Variants in NRG3 observed in about 807,000 individuals in gnomAD.
The protein encoded by NRG3 is neuregulin 3.
NRG3 carries 31 observed loss-of-function variants against 66.9 expected under a neutral mutation model. That is an observed-to-expected ratio of 0.46 (90% confidence interval 0.35 to 0.63). The LOEUF is 0.63. Among genes scored for constraint, NRG3 ranks in the 20% least tolerant of loss-of-function variants. The probability of loss-of-function intolerance (pLI) is 0.00; values close to 1 mark genes in which losing one functional copy is unlikely to be tolerated. For missense variants in NRG3, 910 were observed against 878.9 expected (o/e 1.04, Z -0.45); for synonymous variants, 393 against 359.4 (o/e 1.09, Z -1.06).
chr10:82,976,633 A>G (rs1852280314), intron 7 of NRG3, among the ~76,000 whole-genome samples: 1 of 151,916 alleles, frequency 6.6e-6, no homozygotes, highest in Non-Finnish European at 1.5e-5. Flanking sequence ...GCTAGTTTCT[A>G]CCTTTTTTGT....
chr10:82,769,148 G>A (rs1256268622), intron 3 of NRG3, among the ~76,000 whole-genome samples: 1 of 151,992 alleles, frequency 6.6e-6, no homozygotes, highest in African/African-American at 2.4e-5. Flanking sequence ...GTGAAATATG[G>A]TTATCATTAC....
intron 8 of NRG3, 35 bp from the exon 9 acceptor site, chr10:82,985,063 A>G: frequency 6.3e-7 from 1 of 1,597,226 alleles, no homozygotes; most frequent in Non-Finnish European, 8.5e-7. Flanking sequence ...AGCCTGGTAG[A>G]AAGCAGAAGG....
At chr10:82,100,936 T>C (rs10884189) in intron 1 of NRG3, among the ~76,000 whole-genome samples, 3,685 of 152,124 alleles carry the variant, frequency 0.024, 107 homozygotes, top group East Asian at 0.13. Flanking sequence ...ATTTGTTCTT[T>C]AAATTGTTAG....
At chr10:82,164,402 A>G (rs1395616222) in intron 1 of NRG3, among the ~76,000 whole-genome samples, 1 of 152,156 alleles carries the variant, frequency 6.6e-6, no homozygotes, top group Non-Finnish European at 1.5e-5. Flanking sequence ...AATGTACAAT[A>G]TATTGTTGCT....
chr10:82,098,915 C>T (rs2066548950), intron 1 of NRG3, among the ~76,000 whole-genome samples: 1 of 152,100 alleles, frequency 6.6e-6, no homozygotes, highest in Admixed American at 6.6e-5. Flanking sequence ...AGGTGCCCGC[C>T]ACCATGCCTG....
intron 2 of NRG3, among the ~76,000 whole-genome samples, chr10:82,493,897 C>CA (rs2132275690): frequency 6.6e-6 from 1 of 152,000 alleles, no homozygotes; most frequent in South Asian, 2.1e-4. Flanking sequence ...AAACTTACAA[C>CA]AAAAAACAGC....
At chr10:82,081,002 T>C (rs976013131) in intron 1 of NRG3, among the ~76,000 whole-genome samples, 18 of 152,212 alleles carry the variant, frequency 1.2e-4, no homozygotes, top group African/African-American at 4.3e-4. Context: ...GTCCTCACTG[T>C]CAGCTAAACT....
At chr10:82,258,547 C>T (rs1343889118) in intron 1 of NRG3, among the ~76,000 whole-genome samples, 4 of 152,062 alleles carry the variant, frequency 2.6e-5, no homozygotes, top group African/African-American at 7.2e-5. Context: ...GCACAAAGGC[C>T]GTAGTGCAGC....
intron 1 of NRG3, among the ~76,000 whole-genome samples, chr10:82,139,666 A>G (rs2069625967): frequency 6.6e-6 from 1 of 152,166 alleles, no homozygotes. Flanking sequence ...ATAACATTCT[A>G]GAAGCAACTA....
At chr10:82,274,580 C>G (rs1225281474) in intron 1 of NRG3, among the ~76,000 whole-genome samples, 1 of 151,890 alleles carries the variant, frequency 6.6e-6, no homozygotes, top group East Asian at 1.9e-4. Context: ...GAGACCAAGT[C>G]AAAATTTAAG....
chr10:82,188,614 C>A (rs947562509), intron 1 of NRG3, among the ~76,000 whole-genome samples: 8 of 152,032 alleles, frequency 5.3e-5, no homozygotes, highest in African/African-American at 1.9e-4. Flanking sequence ...GAAAAAATAT[C>A]TAATAATCTG....
intron 1 of NRG3, among the ~76,000 whole-genome samples, chr10:82,050,935 G>T (rs974847322): frequency 1.3e-5 from 2 of 149,314 alleles, no homozygotes; most frequent in Non-Finnish European, 3.0e-5. Flanking sequence ...TCAAATATAA[G>T]ACACATTCTT....
In NRG3 at chr10:82,548,058, T is replaced by TA. The variant is rs1554959772; in HGVS notation, c.953+189193dup. Reference sequence around the variant, plus strand: ...TGCCACGTTTTTTTTTTTTTTTTTTTAAATCATGGAAGGAATTCTAGGAGA... The same window carrying TA: ...TGCCACGTTTTTTTTTTTTTTTTTTTAAAATCATGGAAGGAATTCTAGGAGA... On this transcript the variant is annotated intron_variant, in intron 2 of 8. Transcript: ENST00000372141. 4.0e-5 allele frequency among the ~76,000 whole-genome samples: 6 copies of TA among 148,668 alleles called. No individual in the cohort carries two copies. In the East Asian group the frequency reaches 8.0e-4, roughly 20 times the overall value.
intron 2 of NRG3, among the ~76,000 whole-genome samples, chr10:82,399,733 A>G (rs2086954385): frequency 6.6e-6 from 1 of 152,200 alleles, no homozygotes. Context: ...GTTTCAACAT[A>G]TTAATTTTGA....
intron 2 of NRG3, among the ~76,000 whole-genome samples, chr10:82,704,637 T>C (rs543219115): frequency 6.6e-6 from 1 of 152,340 alleles, no homozygotes; most frequent in African/African-American, 2.4e-5. Context: ...ATTTATGCAA[T>C]TCTGTTTTCA....
intron 1 of NRG3, among the ~76,000 whole-genome samples, chr10:82,014,928 A>G (rs1412357538): frequency 1.3e-5 from 2 of 152,192 alleles, no homozygotes. Flanking sequence ...ACAATGGGAA[A>G]GAAAGATGTG....
rs190828741 is a variant in NRG3 at position 82,687,784 on chromosome 10, C to T, written c.954-50793C>T. Among the ~76,000 whole-genome samples the T allele has an allele frequency of 5.3e-5, 8 of 152,162 alleles. No individual in the cohort carries two copies. The East Asian group carries it at 1.6e-3, about 30-fold the overall frequency. The stretch of plus-strand genomic sequence containing the variant: ...AGAGTAGGTCTAGGAAGCTGGTCCC[C>T]ACATCTTCAACTCACCTTACAGCCA... On this transcript the variant is annotated intron_variant, in intron 2 of 8. Transcript: ENST00000372141.
intron 1 of NRG3, among the ~76,000 whole-genome samples, chr10:82,203,992 G>A (rs1249315065): frequency 6.6e-6 from 1 of 152,108 alleles, no homozygotes; most frequent in Admixed American, 6.6e-5. Context: ...GTTAATGAAT[G>A]TAAATAAAAT....
intron 1 of NRG3, among the ~76,000 whole-genome samples, chr10:82,221,129 C>A (rs2075920608): frequency 6.6e-6 from 1 of 152,106 alleles, no homozygotes; most frequent in Admixed American, 6.6e-5. Context: ...TCCTGCAACA[C>A]CTTTAATATC....
Sources: allele counts gnomAD v4.1 joint callset (sites outside exome capture counted in the v4.1 genomes callset), GRCh38; gene constraint gnomAD v4.1.1; transcripts MANE v1.5; gene names NCBI Gene and HGNC (gene_info 2026-07-23, HGNC 2026-07-21).